GALNT10: variants seen among roughly 807,000 people sequenced by gnomAD.
GALNT10 encodes polypeptide N-acetylgalactosaminyltransferase 10.
GALNT10 carries 41 observed loss-of-function variants against 75.0 expected under a neutral mutation model. The ratio of observed to expected loss-of-function variants is 0.55; its 90% CI spans 0.43 to 0.71. The LOEUF is 0.71. Ranked by LOEUF, GALNT10 falls within the 30% of genes least tolerant of loss-of-function variation. The pLI, the probability that GALNT10 is intolerant of heterozygous loss-of-function variation, is 0.00. For synonymous variants in GALNT10, 302 were observed against 313.0 expected, an observed-to-expected ratio of 0.96 and a Z score of 0.37; for missense variants, 727 against 818.5, an observed-to-expected ratio of 0.89 and a Z score of 1.36.
chr5:154,323,963 A>G (rs153418), intron 3 of GALNT10, among the ~76,000 whole-genome samples: 149,898 of 152,338 alleles, frequency 0.98, 73,756 homozygotes, highest in Middle Eastern at 1. Flanking sequence ...AAATGAGGAT[A>G]GAAGCCCTGC....
intron 4 of GALNT10, among the ~76,000 whole-genome samples, chr5:154,336,766 C>T (rs1030704982): frequency 3.9e-5 from 6 of 152,260 alleles, no homozygotes; most frequent in African/African-American, 1.2e-4. Context: ...ATCATACTAA[C>T]ATATAGTAAC....
intron 4 of GALNT10, among the ~76,000 whole-genome samples, chr5:154,373,368 T>C (rs1581997579): frequency 1.3e-5 from 2 of 152,312 alleles, no homozygotes; most frequent in Non-Finnish European, 2.9e-5. Flanking sequence ...AGGGACTAAC[T>C]AAAGCGAGGC....
intron 1 of GALNT10, among the ~76,000 whole-genome samples, chr5:154,208,157 A>G (rs1775138690): frequency 6.6e-6 from 1 of 152,206 alleles, no homozygotes; most frequent in Admixed American, 6.5e-5. Flanking sequence ...TTGACTGAAC[A>G]CTGCACATGC....
At chr5:154,327,779 G>A (rs1317708973) in intron 3 of GALNT10, among the ~76,000 whole-genome samples, 2 of 152,210 alleles carry the variant, frequency 1.3e-5, no homozygotes, top group Non-Finnish European at 2.9e-5. Flanking sequence ...GAATTAGAAT[G>A]TAATCGTTTT....
At chr5:154,391,243 A>G (rs2113192957) in intron 7 of GALNT10, among the ~76,000 whole-genome samples, 1 of 152,338 alleles carries the variant, frequency 6.6e-6, no homozygotes, top group South Asian at 2.1e-4. Context: ...ATTCCCTCTG[A>G]TTCATCTCTG....
intron 1 of GALNT10, among the ~76,000 whole-genome samples, chr5:154,285,682 G>T (rs1754100637): frequency 6.6e-6 from 1 of 152,138 alleles, no homozygotes; most frequent in Non-Finnish European, 1.5e-5. Flanking sequence ...CACTGTGATA[G>T]CCTCCTTCCC....
intron 1 of GALNT10, among the ~76,000 whole-genome samples, chr5:154,279,271 AGTTTTTGTT>A (rs2113050999): frequency 7.4e-6 from 1 of 134,436 alleles, no homozygotes; most frequent in East Asian, 2.6e-4. Context: ...ATTTAATGCT[AGTTTTTGTT>A]GTTGTTGTTG....
intron 3 of GALNT10, among the ~76,000 whole-genome samples, chr5:154,314,006 CT>C (rs200892929): frequency 0.012 from 1,794 of 152,198 alleles, 34 homozygotes; most frequent in African/African-American, 0.041. Flanking sequence ...AGGGACTGTC[CT>C]TTTTGCAGAA....
At chr5:154,363,289 CA>C (rs1755419835) in intron 4 of GALNT10, among the ~76,000 whole-genome samples, 1 of 151,876 alleles carries the variant, frequency 6.6e-6, no homozygotes, top group African/African-American at 2.4e-5. Context: ...ATGGTTAAAA[CA>C]TTTTTTTTCA....
chr5:154,208,715 G>A (rs1204854493), intron 1 of GALNT10, among the ~76,000 whole-genome samples: 1 of 152,202 alleles, frequency 6.6e-6, no homozygotes, highest in Non-Finnish European at 1.5e-5. Context: ...AGTCAGGACA[G>A]AGAAACCACA....
chr5:154,283,835 G>A (rs1754077054), intron 1 of GALNT10, among the ~76,000 whole-genome samples: 1 of 152,218 alleles, frequency 6.6e-6, no homozygotes, highest in Non-Finnish European at 1.5e-5. Context: ...TTGTCTACCA[G>A]GTGTACTTGG....
intron 1 of GALNT10, among the ~76,000 whole-genome samples, chr5:154,246,394 A>G (rs1053128212): frequency 2.6e-5 from 4 of 152,228 alleles, no homozygotes; most frequent in Admixed American, 2.6e-4. Flanking sequence ...ACTGTCTTCC[A>G]CAATGGTTGA....
chr5:154,191,754 T>C (rs1774864659), intron 1 of GALNT10, among the ~76,000 whole-genome samples: 1 of 152,220 alleles, frequency 6.6e-6, no homozygotes, highest in South Asian at 2.1e-4. Context: ...ACCCCCAAAA[T>C]GTCCCAGAGG....
intron 1 of GALNT10, among the ~76,000 whole-genome samples, chr5:154,278,223 CT>C: frequency 6.7e-6 from 1 of 149,294 alleles, no homozygotes; most frequent in East Asian, 1.9e-4. Context: ...GGATTGCACA[CT>C]GCCAAGGGGA....
chr5:154,356,350 G>A, intron 4 of GALNT10: 1 of 390,410 alleles, frequency 2.6e-6, no homozygotes, highest in East Asian at 7.4e-5. Context: ...AGGAGACAGT[G>A]AAGCAGGGTA....
chr5:154,214,247 G>A (rs1013435962), intron 1 of GALNT10, among the ~76,000 whole-genome samples: 7 of 151,848 alleles, frequency 4.6e-5, no homozygotes, highest in African/African-American at 1.7e-4. Flanking sequence ...AAAAAAATCA[G>A]CCTCCAAAAT....
intron 1 of GALNT10, among the ~76,000 whole-genome samples, chr5:154,244,133 T>A (rs778025639): frequency 6.6e-6 from 1 of 152,220 alleles, no homozygotes; most frequent in Non-Finnish European, 1.5e-5. Context: ...AGAAGGCTCA[T>A]TTTCTCCCTA....
intron 4 of GALNT10, chr5:154,330,051 A>G (rs80139582): frequency 7.8e-4 from 150 of 192,674 alleles, no homozygotes; most frequent in African/African-American, 3.3e-3. Context: ...CTATTTATTA[A>G]ATATTGCATA....
intron 1 of GALNT10, among the ~76,000 whole-genome samples, chr5:154,290,268 T>TTTTC (rs1754177036): frequency 7.0e-6 from 1 of 142,970 alleles, no homozygotes; most frequent in Non-Finnish European, 1.5e-5. Flanking sequence ...ATTTTTTTTT[T>TTTTC]TTTTTTTTTT....
Sources: allele counts gnomAD v4.1 joint callset (sites outside exome capture counted in the v4.1 genomes callset), GRCh38; gene constraint gnomAD v4.1.1; transcripts MANE v1.5; gene names NCBI Gene and HGNC (gene_info 2026-07-23, HGNC 2026-07-21).